METTL8: variants seen among roughly 807,000 people sequenced by gnomAD.
METTL8 encodes the protein tRNA N(3)-cytidine methyltransferase METTL8, mitochondrial.
In METTL8, 32 loss-of-function variants were observed where a neutral mutation model predicts 48.7. That is an observed-to-expected ratio of 0.66 (90% CI 0.50 to 0.88). The LOEUF (loss-of-function observed/expected upper bound fraction) is 0.88, where lower values mean the gene tolerates loss of function less well. Ranked by LOEUF, METTL8 falls within the 40% of genes least tolerant of loss-of-function variation. The pLI, the probability that METTL8 is intolerant of heterozygous loss-of-function variation, is 0.00. For missense variants in METTL8, 464 were observed against 474.4 expected, an observed-to-expected ratio of 0.98 and a Z score of 0.20; for synonymous variants, 136 against 157.1, an observed-to-expected ratio of 0.87 and a Z score of 1.01.
intron 2 of METTL8, among the ~76,000 whole-genome samples, chr2:171,376,896 T>G (rs1490162852): frequency 6.6e-6 from 1 of 152,094 alleles, no homozygotes; most frequent in Non-Finnish European, 1.5e-5. Flanking sequence ...AAAGCAACAA[T>G]AAGCAGAAAG....
upstream of METTL8, chr2:171,434,646 C>G (rs747418796): frequency 1.3e-6 from 2 of 1,534,928 alleles, no homozygotes; most frequent in East Asian, 2.5e-5. Context: ...GCTTCTCGCG[C>G]GACGCAGGCG....
intron 2 of METTL8, among the ~76,000 whole-genome samples, chr2:171,373,274 A>G (rs1438997868): frequency 6.6e-6 from 1 of 152,182 alleles, no homozygotes; most frequent in East Asian, 1.9e-4. Flanking sequence ...CGGCTGCATA[A>G]ATGTCTTCTT....
At chr2:171,327,892 TA>T (rs1230930784) in intron 7 of METTL8, among the ~76,000 whole-genome samples, 2 of 152,256 alleles carry the variant, frequency 1.3e-5, no homozygotes, top group Non-Finnish European at 2.9e-5. Flanking sequence ...AATCTTTCTG[TA>T]ATTATTAGTA....
chr2:171,390,266 C>T (rs976602580), intron 2 of METTL8, among the ~76,000 whole-genome samples: 1 of 152,196 alleles, frequency 6.6e-6, no homozygotes, highest in African/African-American at 2.4e-5. Context: ...TGACAATATA[C>T]CTTGTCACTC....
chr2:171,356,952 A>ATGTTTTTGTTT, intron 3 of METTL8, among the ~76,000 whole-genome samples: 1 of 78,468 alleles, frequency 1.3e-5, no homozygotes, highest in African/African-American at 4.5e-5. Flanking sequence ...CAAAGACAAT[A>ATGTTTTTGTTT]TTTTTTTTTT....
intron 2 of METTL8, among the ~76,000 whole-genome samples, chr2:171,382,074 G>A (rs373410160): frequency 7.9e-5 from 12 of 152,214 alleles, no homozygotes; most frequent in Admixed American, 2.6e-4. Context: ...GAGCCACCGC[G>A]CCCAGCCAGG....
chr2:171,384,245 C>T (rs144671923), intron 2 of METTL8, among the ~76,000 whole-genome samples: 105 of 152,314 alleles, frequency 6.9e-4, no homozygotes, highest in African/African-American at 2.2e-3. Context: ...GAGACTTAAA[C>T]GTCTGTAATC....
intron 2 of METTL8, among the ~76,000 whole-genome samples, chr2:171,363,929 C>T (rs1359906990): frequency 6.6e-6 from 1 of 150,646 alleles, no homozygotes; most frequent in Admixed American, 6.6e-5. Context: ...TCTCCTGCCT[C>T]AGCCTCCTGA....
chr2:171,343,092 G>A (rs1447351090), intron 3 of METTL8, among the ~76,000 whole-genome samples: 1 of 152,182 alleles, frequency 6.6e-6, no homozygotes, highest in Non-Finnish European at 1.5e-5. Context: ...ACATGGGAAT[G>A]AGCAAGCAAA....
At chr2:171,434,657 T>G (rs769229427), upstream of METTL8, 33 of 1,535,096 alleles carry the variant, frequency 2.1e-5, no homozygotes, top group Admixed American at 1.4e-4. Flanking sequence ...GACGCAGGCG[T>G]GGTGCAGAGG....
chr2:171,331,963 A>G (rs1242314808), intron 5 of METTL8, 96 bp from the exon 6 acceptor site: 1 of 836,156 alleles, frequency 1.2e-6, no homozygotes, highest in African/African-American at 1.7e-5. Context: ...ATAGCTCACT[A>G]TAACCTTGAG....
intron 1 of METTL8, among the ~76,000 whole-genome samples, chr2:171,398,096 A>C (rs1689286795): frequency 6.6e-6 from 1 of 152,186 alleles, no homozygotes; most frequent in African/African-American, 2.4e-5. Context: ...GAATCCTCAG[A>C]AATTAAACAT....
chr2:171,323,895 A>C lies in METTL8; in HGVS notation c.*277T>G, dbSNP rs1684673695. ...AATTACTTGACATAATACTAACTTA[A>C]TTGAATGCTTATAAAAATCAAGGAA... On this transcript the variant is annotated 3_prime_UTR_variant, in exon 10 of 10. Coordinates refer to ENST00000375258, the MANE Select transcript of METTL8 (RefSeq NM_001321154.2). 3.4e-6 allele frequency: 1 copy of C among 293,462 alleles called. No individual in the cohort carries two copies. The highest frequency in any genetic ancestry group is 6.2e-6 in the Non-Finnish European group (1 of 160,640). The allele number at this position is 293,462 out of a possible 1,614,324, so 18.2% of individuals were successfully genotyped here.
Position 171,433,540 on chromosome 2 carries a change from T to C in METTL8, c.-13+343A>G, listed in dbSNP as rs1244379893. On this transcript the variant is annotated intron_variant, in intron 1 of 9. Coordinates refer to ENST00000375258, the MANE Select transcript of METTL8 (RefSeq NM_001321154.2). Reference sequence around the variant, plus strand: ...CTGAAAGTTTAGTGTGCTGGGAACTTTGAACATACAGGCAGGGCTAGTTAA... The same window carrying C: ...CTGAAAGTTTAGTGTGCTGGGAACTCTGAACATACAGGCAGGGCTAGTTAA... Among the ~76,000 whole-genome samples the C allele has an allele frequency of 2.0e-5, 3 of 152,150 alleles. No homozygotes were observed. The East Asian group carries it at 5.8e-4, about 29-fold the overall frequency.
intron 2 of METTL8, among the ~76,000 whole-genome samples, chr2:171,382,595 C>G (rs1055415404): frequency 3.3e-5 from 5 of 151,982 alleles, no homozygotes; most frequent in African/African-American, 1.2e-4. Flanking sequence ...AGGACAAATC[C>G]CTAATGCATG....
At chr2:171,367,632 C>A (rs975163609) in intron 2 of METTL8, among the ~76,000 whole-genome samples, 2 of 152,174 alleles carry the variant, frequency 1.3e-5, no homozygotes, top group Non-Finnish European at 2.9e-5. Context: ...ATAAAATAAT[C>A]TTTTTAAAAA....
chr2:171,409,566 T>C (rs1179496947), intron 1 of METTL8, among the ~76,000 whole-genome samples: 2 of 152,090 alleles, frequency 1.3e-5, no homozygotes, highest in African/African-American at 4.8e-5. Flanking sequence ...CCAGCTTTCC[T>C]TTCTCCCCCA....
chr2:171,340,149 G>C (rs1686571492), intron 3 of METTL8, among the ~76,000 whole-genome samples: 1 of 144,868 alleles, frequency 6.9e-6, no homozygotes, highest in Admixed American at 7.2e-5. Flanking sequence ...AGTGAGGTGA[G>C]ATTGCACCAT....
chr2:171,344,545 T>C (rs918838362), intron 3 of METTL8, among the ~76,000 whole-genome samples: 5 of 152,222 alleles, frequency 3.3e-5, no homozygotes, highest in African/African-American at 1.2e-4. Context: ...GGAGTTACCC[T>C]TCATTAAGAC....
Sources: allele counts gnomAD v4.1 joint callset (sites outside exome capture counted in the v4.1 genomes callset), GRCh38; gene constraint gnomAD v4.1.1; transcripts MANE v1.5; gene names NCBI Gene and HGNC (gene_info 2026-07-23, HGNC 2026-07-21).